Variants in LTN1 observed in about 807,000 individuals in gnomAD.
The protein encoded by LTN1 is listerin E3 ubiquitin protein ligase 1, also known as E3 ubiquitin-protein ligase listerin.
Under a neutral mutation model 201.2 loss-of-function variants are expected in LTN1, and 88 were observed. The ratio of observed to expected loss-of-function variants is 0.44; its 90% CI spans 0.37 to 0.52. The LOEUF (loss-of-function observed/expected upper bound fraction) is 0.52. Among genes scored for constraint, LTN1 ranks in the 20% least tolerant of loss-of-function variants. LTN1 has a pLI of 0.00. For synonymous variants in LTN1, 645 were observed against 713.5 expected (o/e 0.90, Z 1.53); for missense variants, 1,752 against 2,038.7 (o/e 0.86, Z 2.71).
chr21:28,949,790 T>C (rs2084368579), intron 18 of LTN1, among the ~76,000 whole-genome samples: 1 of 152,096 alleles, frequency 6.6e-6, no homozygotes, highest in Non-Finnish European at 1.5e-5. Flanking sequence ...GAATCAAATA[T>C]ATATATATTT....
chr21:28,948,177 G>C, intron 18 of LTN1, among the ~76,000 whole-genome samples: 2 of 67,884 alleles, frequency 2.9e-5, no homozygotes, highest in East Asian at 1.3e-3. Flanking sequence ...TGGTGATAAA[G>C]CAAAACTCTG....
At chr21:28,967,964 G>C (rs2146300194) in intron 9 of LTN1, 1 of 152,280 alleles carries the variant, frequency 6.6e-6, no homozygotes, top group Admixed American at 6.5e-5. Context: ...GAAGTCTTCT[G>C]TGTTGATTAC....
intron 19 of LTN1, among the ~76,000 whole-genome samples, chr21:28,947,247 G>C (rs1263400530): frequency 6.6e-6 from 1 of 152,158 alleles, no homozygotes; most frequent in Admixed American, 6.5e-5. Flanking sequence ...GAAATGGTTA[G>C]AAGGTATTTC....
chr21:28,966,761 T>C lies in LTN1; in HGVS notation c.1730A>G (p.Asn577Ser). 6.2e-7 allele frequency: 1 copy of C among 1,614,056 alleles called. No individual in the cohort carries two copies. Among genetic ancestry groups the C allele is most frequent in the Non-Finnish European group, 8.5e-7 (1 of 1,179,982 alleles). Residue 577 changes from asparagine (N) to serine (S), a missense_variant, in exon 10 of 30, where the codon AAT becomes AGT. Asn to Ser is a conservative substitution (Grantham distance 46). Around this residue, in one of 3 missense-constraint regions of LTN1, gnomAD observed 1,211 missense variants for 1,312.8 expected, o/e 0.92. Transcript: ENST00000361371. ...ELTTEPSLTH[N>S]SSGLLSPLRK... ...TAGAGGAGACAAAAGGCCTGAAGAA[T>C]TATGAGTGAGAGAAGGTTCAGTTGT...
intron 4 of LTN1, among the ~76,000 whole-genome samples, chr21:28,983,005 C>A (rs778243208): frequency 1.3e-5 from 2 of 152,234 alleles, no homozygotes; most frequent in Non-Finnish European, 2.9e-5. Flanking sequence ...TGCCCAAGGT[C>A]ACACACCTAG....
intron 11 of LTN1, among the ~76,000 whole-genome samples, chr21:28,965,420 CAA>C (rs2084513558): frequency 6.6e-6 from 1 of 152,108 alleles, no homozygotes; most frequent in Non-Finnish European, 1.5e-5. Flanking sequence ...GGCAATCACA[CAA>C]AGACTGGAAG....
At chr21:28,981,344 C>A in intron 5 of LTN1, 45 bp from the exon 6 acceptor site, 1 of 1,091,510 alleles carries the variant, frequency 9.2e-7, no homozygotes, top group Non-Finnish European at 1.2e-6. Flanking sequence ...TTAGAATTAG[C>A]CAAACTATAT....
At chr21:28,963,885 A>G (rs7283421) in intron 11 of LTN1, among the ~76,000 whole-genome samples, 3,676 of 152,246 alleles carry the variant, frequency 0.024, 152 homozygotes, top group African/African-American at 0.084. Context: ...GAGGTTCAAG[A>G]CTTTAGTGTA....
intron 11 of LTN1, chr21:28,961,213 TAATG>T (rs2084476339): frequency 6.6e-6 from 1 of 152,268 alleles, no homozygotes; most frequent in Non-Finnish European, 1.5e-5. Context: ...GTTCAATGAA[TAATG>T]AATAAACTTT....
Position 28,981,304 on chromosome 21 carries a change from A to AAC in LTN1, c.630-6_630-5insGT. 1 of 1,438,236 alleles carries AAC rather than the reference A, an allele frequency of 7.0e-7. No homozygotes were observed. Among genetic ancestry groups the AAC allele is most frequent in the Non-Finnish European group, 9.2e-7 (1 of 1,088,442 alleles). 89.1% of individuals were successfully genotyped at this position (1,438,236 alleles called of 1,614,324 possible). On this transcript the variant is annotated splice_polypyrimidine_tract_variant and splice_region_variant and intron_variant, in intron 5 of 29. Coordinates refer to ENST00000361371, the MANE Select transcript of LTN1 (RefSeq NM_015565.3). ...CTTTCTTCCTCTGGAACAGTTCTTG[A>AAC]TATAAAACAAAATAAATATATTTAA... is the stretch of plus-strand genomic sequence containing the variant.
Position 28,989,353 on chromosome 21 carries a change from C to CT in LTN1, c.43-2420dup, listed in dbSNP as rs534319211. ...AACAAGTTACTTTTAAATGCACTAT[C>CT]TTTTTTTAATGTCTACTTTAAATTT... is the stretch of plus-strand genomic sequence containing the variant. On this transcript the variant is annotated intron_variant, in intron 1 of 29. Coordinates refer to ENST00000361371, the MANE Select transcript of LTN1 (RefSeq NM_015565.3). Among the ~76,000 whole-genome samples, 11 of 152,022 alleles carry CT rather than the reference C, an allele frequency of 7.2e-5. No homozygotes were observed. The South Asian group carries it at 2.3e-3, about 32-fold the overall frequency.
At chr21:28,991,438 G>A (rs2084745054) in intron 1 of LTN1, among the ~76,000 whole-genome samples, 1 of 152,166 alleles carries the variant, frequency 6.6e-6, no homozygotes, top group African/African-American at 2.4e-5. Flanking sequence ...CTAGAAAATG[G>A]CATTGTTTTT....
chr21:28,943,476 G>T, intron 23 of LTN1, 140 bp from the exon 24 acceptor site: 2 of 681,150 alleles, frequency 2.9e-6, no homozygotes, highest in Non-Finnish European at 5.0e-6. Context: ...CTATAGCCAG[G>T]ACTATTGAAA....
chr21:28,982,994 T>C (rs2084670554), intron 4 of LTN1, among the ~76,000 whole-genome samples: 1 of 152,200 alleles, frequency 6.6e-6, no homozygotes. Flanking sequence ...GCACAGAAAC[T>C]TGCCCAAGGT....
chr21:28,936,607 T>G lies in LTN1; in HGVS notation c.4573A>C (p.Thr1525Pro). The G allele has an allele frequency of 6.2e-7, 1 of 1,614,018 alleles. No individual in the cohort carries two copies. The highest frequency in any genetic ancestry group is 8.5e-7 in the Non-Finnish European group (1 of 1,179,904). The part of the protein sequence containing the change: ...HLFRLMPENP[T>P]YAETAVEVPN... ...ACCTCAACTGCTGTCTCTGCATAGG[T>G]TGGATTTTCTGGCATAAGCCTGAAC... Residue 1525 changes from threonine (T) to proline (P), a missense_variant, in exon 26 of 30, where the codon ACC (threonine) becomes CCC (proline). Physicochemically the swap from Thr to Pro is conservative, Grantham distance 38. Coordinates refer to ENST00000361371, the MANE Select transcript of LTN1 (RefSeq NM_015565.3).
At chr21:28,978,664 T>A (rs1372729204) in intron 6 of LTN1, among the ~76,000 whole-genome samples, 4 of 152,068 alleles carry the variant, frequency 2.6e-5, no homozygotes, top group Non-Finnish European at 4.4e-5. Flanking sequence ...ATAAGACACA[T>A]GGGAGAGATG....
intron 25 of LTN1, among the ~76,000 whole-genome samples, chr21:28,939,827 CT>C (rs1234660601): frequency 6.6e-6 from 1 of 152,098 alleles, no homozygotes; most frequent in Non-Finnish European, 1.5e-5. Context: ...AAATAAGGAG[CT>C]CTTGAAATAT....
At chr21:28,953,501 G>A (rs1291499127) in intron 16 of LTN1, 125 bp from the exon 17 acceptor site, 1 of 596,968 alleles carries the variant, frequency 1.7e-6, no homozygotes, top group Non-Finnish European at 2.8e-6. Context: ...CCTATGAACT[G>A]ATTTTTCAAA....
intron 7 of LTN1, among the ~76,000 whole-genome samples, 193 bp from the exon 8 acceptor site, chr21:28,970,935 T>C (rs1486114025): frequency 6.6e-6 from 1 of 152,222 alleles, no homozygotes; most frequent in African/African-American, 2.4e-5. Flanking sequence ...ATATTCGACA[T>C]GCTTACAATA....
Sources: gnomAD v4.1 joint callset for allele counts (sites outside exome capture counted in the v4.1 genomes callset) on GRCh38, gnomAD v4.1.1 for gene constraint, gnomAD v4.1.1 regional missense constraint, MANE v1.5 for transcripts, NCBI Gene and HGNC (gene_info 2026-07-23, HGNC 2026-07-21) for gene names.